Variants in PLEKHS1 observed in about 807,000 individuals in gnomAD.
PLEKHS1 encodes the protein pleckstrin homology domain containing S1.
In PLEKHS1, 55 loss-of-function variants were observed where a neutral mutation model predicts 51.0. That is an observed-to-expected ratio of 1.08 (90% CI 0.87 to 1.35). PLEKHS1 has a LOEUF of 1.35. PLEKHS1 is among the 40% of genes most tolerant of loss of function. The pLI is 0.00. For missense variants in PLEKHS1, 398 were observed against 423.0 expected (o/e 0.94, Z 0.52); for synonymous variants, 153 against 144.8 (o/e 1.06, Z -0.41).
chr10:113,766,750 A>T (rs748213535), intron 4 of PLEKHS1, 32 bp downstream of exon 4: 2 of 1,465,950 alleles, frequency 1.4e-6, no homozygotes, highest in Admixed American at 4.2e-5. Flanking sequence ...CTTTTATAAC[A>T]ACAAATACTA....
At chr10:113,759,620 G>C (rs1051466524) in intron 2 of PLEKHS1, among the ~76,000 whole-genome samples, 1 of 152,024 alleles carries the variant, frequency 6.6e-6, no homozygotes, top group Non-Finnish European at 1.5e-5. Context: ...TGCAAAAATA[G>C]TTCATTTTTT....
At chr10:113,769,024 A>C in intron 6 of PLEKHS1, 134 bp downstream of exon 6, 2 of 579,500 alleles carry the variant, frequency 3.5e-6, no homozygotes. Flanking sequence ...GAAAATGTAC[A>C]TCCTTATTAC....
At chr10:113,762,702 TTTA>T (rs1310369539) in intron 2 of PLEKHS1, among the ~76,000 whole-genome samples, 3 of 152,012 alleles carry the variant, frequency 2.0e-5, no homozygotes, top group Non-Finnish European at 4.4e-5. Flanking sequence ...TGCTTTTAAA[TTTA>T]TTGAGACTTG....
chr10:113,766,440 G>A, exon 3 of PLEKHS1: 1 of 1,594,224 alleles, frequency 6.3e-7, no homozygotes, highest in Non-Finnish European at 8.6e-7. Context: ...TTATGAAAAT[G>A]AAGTCTGCAA....
chr10:113,766,753 A>G, intron 4 of PLEKHS1, 35 bp downstream of exon 4: 1 of 1,451,900 alleles, frequency 6.9e-7, no homozygotes, highest in Non-Finnish European at 9.4e-7. Context: ...TTATAACAAC[A>G]AATACTATAA....
intron 11 of PLEKHS1, chr10:113,777,738 A>T: frequency 6.8e-7 from 1 of 1,472,690 alleles, no homozygotes; most frequent in Non-Finnish European, 9.0e-7. Context: ...TGACCATGGA[A>T]TGTTATTCAA....
rs768307501 is a variant in PLEKHS1, at chr10:113,769,935, C to G, written c.552+35C>G. The G allele has an allele frequency of 5.4e-5, 79 of 1,471,930 alleles. 1 individual carries two copies. In the South Asian group the frequency reaches 7.8e-4, roughly 15 times the overall value. The allele number at this position is 1,471,930 out of a possible 1,614,324, so 91.2% of individuals were successfully genotyped here. ...CTCACTTCTTTCTCAGGACACCACA[C>G]CTGGGAGGCAGCTAATGCCTAAAAA... is the stretch of plus-strand genomic sequence containing the variant. On this transcript the variant is annotated intron_variant, in intron 7 of 11. Coordinates refer to ENST00000361048, the Ensembl canonical transcript of PLEKHS1.
At chr10:113,755,203 C>G in intron 1 of PLEKHS1, 56 bp from the exon 2 acceptor site, 1 of 1,535,340 alleles carries the variant, frequency 6.5e-7, no homozygotes, top group Non-Finnish European at 8.7e-7. Context: ...GGTGGCTGGT[C>G]AATGAAACAC....
intron 5 of PLEKHS1, among the ~76,000 whole-genome samples, chr10:113,767,956 A>G (rs1319652773): frequency 1.3e-5 from 2 of 152,192 alleles, no homozygotes; most frequent in South Asian, 2.1e-4. Flanking sequence ...TCTCTATTCC[A>G]GTATGACCTC....
At chr10:113,752,849 G>C (rs149072784) in intron 1 of PLEKHS1, among the ~76,000 whole-genome samples, 1 of 152,298 alleles carries the variant, frequency 6.6e-6, no homozygotes, top group Non-Finnish European at 1.5e-5. Context: ...ACAGGGCACA[G>C]GGAGGGCAAA....
chr10:113,769,561 G>A (rs1195677769), intron 6 of PLEKHS1, among the ~76,000 whole-genome samples: 6 of 152,182 alleles, frequency 3.9e-5, no homozygotes, highest in East Asian at 1.9e-4. Flanking sequence ...TGAGGGAAAC[G>A]CTGGTCATCT....
exon 8 of PLEKHS1, chr10:113,772,009 C>T (rs1018779954): frequency 6.2e-7 from 1 of 1,613,380 alleles, no homozygotes; most frequent in Non-Finnish European, 8.5e-7. Context: ...TAGGCAAACT[C>T]ACCTACAAGA....
intron 11 of PLEKHS1, chr10:113,777,818 T>C: frequency 7.1e-7 from 1 of 1,400,696 alleles, no homozygotes; most frequent in East Asian, 2.5e-5. Context: ...CATAGAATAT[T>C]GCAAGAATTA....
chr10:113,781,085 G>A (rs978504022), exon 12 of PLEKHS1: 2 of 365,932 alleles, frequency 5.5e-6, no homozygotes, highest in African/African-American at 4.0e-5. Context: ...CTGTGAGGAT[G>A]TGGTCCACAC....
intron 2 of PLEKHS1, chr10:113,765,390 G>A (rs755957665): frequency 1.3e-6 from 1 of 779,412 alleles, no homozygotes. Flanking sequence ...TATGGCTGGA[G>A]GTAACAAGCA....
intron 3 of PLEKHS1, 45 bp downstream of exon 3, chr10:113,766,544 A>G: frequency 6.3e-7 from 1 of 1,581,932 alleles, no homozygotes; most frequent in Non-Finnish European, 8.7e-7. Context: ...CAGCCTCATG[A>G]GCATTTTTAA....
chr10:113,757,147 T>A (rs906323482), intron 2 of PLEKHS1, among the ~76,000 whole-genome samples: 13 of 152,172 alleles, frequency 8.5e-5, no homozygotes, highest in African/African-American at 3.1e-4. Context: ...ACGCCTGACC[T>A]CGTGATCCAC....
At chr10:113,755,547 G>A (rs1854071157) in intron 2 of PLEKHS1, 3 of 621,270 alleles carry the variant, frequency 4.8e-6, no homozygotes, top group African/African-American at 1.9e-5. Flanking sequence ...TGGCACTACA[G>A]GCATATGCCA....
Position 113,779,569 on chromosome 10 carries a change from C to CAA in PLEKHS1, c.*-1019_*-1018dup, listed in dbSNP as rs566568556. Among the ~76,000 whole-genome samples, 173 of 111,582 alleles carry CAA rather than the reference C, an allele frequency of 1.6e-3. 2 individuals are homozygous for CAA. In the Middle Eastern group the frequency reaches 0.026, roughly 17 times the overall value. 73.2% of individuals were successfully genotyped at this position (111,582 alleles called of 152,430 possible). On this transcript the variant is annotated intron_variant, in intron 11 of 11. Transcript: ENST00000361048. ...CTGGGAACAGTGTGAGACTCTGTCT[C>CAA]AAAAAAAAAAAAAAAGGATCCACAT...
Sources: gnomAD v4.1 joint callset for allele counts (sites outside exome capture counted in the v4.1 genomes callset) on GRCh38, gnomAD v4.1.1 for gene constraint, MANE v1.5 for transcripts, NCBI Gene and HGNC (gene_info 2026-07-23, HGNC 2026-07-21) for gene names.